Variants in EFEMP2 observed in about 807,000 individuals in gnomAD.
The protein encoded by EFEMP2 is EGF-like fibulin extracellular matrix protein 2.
In EFEMP2, 21 loss-of-function variants were observed where a neutral mutation model predicts 55.3. The ratio of observed to expected loss-of-function variants is 0.38; its 90% CI spans 0.27 to 0.55. The LOEUF (loss-of-function observed/expected upper bound fraction) is 0.55. Ranked by LOEUF, EFEMP2 falls within the 20% of genes least tolerant of loss-of-function variation. EFEMP2 has a pLI of 0.77. For synonymous variants in EFEMP2, 275 were observed against 242.3 expected (o/e 1.14, Z -1.25); for missense variants, 513 against 615.1 (o/e 0.83, Z 1.76).
At chr11:65,870,025 A>G in intron 6 of EFEMP2, 49 bp from the exon 7 acceptor site, 5 of 1,613,344 alleles carry the variant, frequency 3.1e-6, no homozygotes, top group Non-Finnish European at 4.2e-6. Flanking sequence ...GGAGGAGCCC[A>G]GAGCCTCCAC....
At position 65,866,495 on chromosome 11, in the gene EFEMP2, C is replaced by T. The variant is rs1377484298; in HGVS notation, c.*423G>A. On this transcript the variant is annotated 3_prime_UTR_variant, in exon 11 of 11. Transcript: ENST00000307998. The stretch of plus-strand genomic sequence containing the variant: ...AAACAGGCCCAGGGAACTACTAGGG[C>T]TTATCCAAATGTACAGTTTGAGGCA... The T allele has an allele frequency of 7.1e-6, 5 of 702,608 alleles. No homozygotes were observed. Among genetic ancestry groups the T allele is most frequent in the Non-Finnish European group, 1.3e-5 (5 of 384,978 alleles). 43.5% of individuals were successfully genotyped at this position (702,608 alleles called of 1,614,324 possible).
Position 65,868,402 on chromosome 11 carries a change from A to G in EFEMP2, c.867T>C (p.Ser289=). 6.2e-7 allele frequency: 1 copy of G among 1,613,914 alleles called. No homozygotes were observed. ...RLCQDIDECE[S]GAHQCSEAQT... ...GGGCCTCGGAGCACTGGTGCGCACC[A>G]GACTCACACTCATCAATGTCTGTGC... is the stretch of plus-strand genomic sequence containing the variant. The change falls in exon 9 of 11, where the codon TCT becomes TCC. Residue 289 remains serine, a synonymous_variant. Coordinates refer to ENST00000307998, the MANE Select transcript of EFEMP2 (RefSeq NM_016938.5).
At chr11:65,871,923 T>A in intron 3 of EFEMP2, 47 bp downstream of exon 3, 1 of 1,549,426 alleles carries the variant, frequency 6.5e-7, no homozygotes, top group Non-Finnish European at 8.7e-7. Flanking sequence ...CAGCTATCAA[T>A]CCCTTTCCGG....
At chr11:65,872,439 C>T in intron 1 of EFEMP2, 78 bp from the exon 2 acceptor site, 1 of 1,025,718 alleles carries the variant, frequency 9.7e-7, no homozygotes, top group South Asian at 1.4e-5. Flanking sequence ...CGAGCCCAGC[C>T]CCCGCCACTG....
chr11:65,869,826 G>T (rs1859932451), intron 7 of EFEMP2, 31 bp downstream of exon 7: 1 of 1,612,988 alleles, frequency 6.2e-7, no homozygotes, highest in African/African-American at 1.3e-5. Context: ...GGGGTCCACA[G>T]AGGAGTACAC....
At position 65,867,853 on chromosome 11, in the gene EFEMP2, A is replaced by C. The variant is rs1332419329; in HGVS notation, c.1170+8T>G. 6.2e-7 allele frequency: 1 copy of C among 1,613,928 alleles called. No individual in the cohort carries two copies. The highest frequency in any genetic ancestry group is 8.5e-7 in the Non-Finnish European group (1 of 1,179,908). On this transcript the variant is annotated splice_region_variant and intron_variant, in intron 10 of 10. Transcript: ENST00000307998. ...GTGCATGTCAGTTGAGGGTTGCAGA[A>C]ACCTTACCCTAATGTAAAAGTCCCC...
rs1565271657 is a variant in EFEMP2 at position 65,866,649 on chromosome 11, C to T, written c.*269G>A. On this transcript the variant is annotated 3_prime_UTR_variant, in exon 11 of 11. Coordinates refer to ENST00000307998, the MANE Select transcript of EFEMP2 (RefSeq NM_016938.5). ...TCCGCCCTCCTCGTTACCTCCTCTC[C>T]TCTCGGGGTGACTGAAGCTCGTGGT... 8.5e-6 allele frequency: 6 copies of T among 703,664 alleles called. No individual in the cohort carries two copies. The highest frequency in any genetic ancestry group is 1.3e-5 in the Non-Finnish European group (5 of 385,628). The allele number at this position is 703,664 out of a possible 1,614,324, so 43.6% of individuals were successfully genotyped here.
At chr11:65,867,311 T>C in intron 10 of EFEMP2, 1 of 590,740 alleles carries the variant, frequency 1.7e-6, no homozygotes, top group Non-Finnish European at 3.0e-6. Context: ...TCCAGCCTGC[T>C]CTGTCTGACC....
intron 3 of EFEMP2, 132 bp downstream of exon 3, chr11:65,871,838 G>A: frequency 1.7e-6 from 2 of 1,175,430 alleles, no homozygotes; most frequent in Non-Finnish European, 2.5e-6. Flanking sequence ...TGGCCTCTGT[G>A]TAGCAGAGCT....
chr11:65,868,679 T>C, intron 7 of EFEMP2, 50 bp from the exon 8 acceptor site: 1 of 1,611,446 alleles, frequency 6.2e-7, no homozygotes, highest in Non-Finnish European at 8.5e-7. Flanking sequence ...TTCCTCACCA[T>C]TCAGTCCCAC....
At chr11:65,868,178 G>A in intron 9 of EFEMP2, 117 bp downstream of exon 9, 7 of 1,565,452 alleles carry the variant, frequency 4.5e-6, no homozygotes, top group Non-Finnish European at 6.1e-6. Flanking sequence ...TTTTCATGAA[G>A]GACTATGATT....
At chr11:65,871,013 G>A (rs544655307) in intron 4 of EFEMP2, 144 bp downstream of exon 4, 211 of 1,049,946 alleles carry the variant, frequency 2.0e-4, no homozygotes, top group South Asian at 3.0e-4. Context: ...GGCCACCTGC[G>A]GCAGGTCCTA....
Position 65,866,956 on chromosome 11 carries a change from G to A in EFEMP2, c.1294C>T (p.Leu432=). ...SLMSYRASSV[L]RLTVFVGAYT... is the part of the protein sequence containing the mutation. ...GCCCCTACAAAGACGGTGAGCCTCA[G>A]TACAGAGCTGGCCCGGTAGCTCATG... Residue 432 remains leucine, a synonymous_variant, in exon 11 of 11, where the codon CTG becomes TTG. Transcript: ENST00000307998. The A allele has an allele frequency of 6.2e-7, 1 of 1,614,184 alleles. No individual in the cohort carries two copies. Among genetic ancestry groups the A allele is most frequent in the Non-Finnish European group, 8.5e-7 (1 of 1,180,020 alleles).
At chr11:65,870,071 C>T (rs1190746663) in intron 6 of EFEMP2, 50 bp downstream of exon 6, 3 of 1,613,108 alleles carry the variant, frequency 1.9e-6, no homozygotes, top group Non-Finnish European at 2.5e-6. Context: ...GCGCCCCCAC[C>T]TCACACCTCC....
At position 65,872,773 on chromosome 11, in the gene EFEMP2, G is replaced by A; in HGVS notation, c.-98C>T. ...GGCAGACGGACGGGCGGACGGCACAGCTCCCTGGACGCGCGGCCCCAGGAA... is the reference window on the plus strand; with the variant it reads ...GGCAGACGGACGGGCGGACGGCACAACTCCCTGGACGCGCGGCCCCAGGAA... On this transcript the variant is annotated 5_prime_UTR_variant, in exon 1 of 11. Transcript: ENST00000307998. 1 of 277,356 alleles carries A rather than the reference G, an allele frequency of 3.6e-6. No homozygotes were observed. The highest frequency in any genetic ancestry group is 7.5e-6 in the Non-Finnish European group (1 of 132,580). 17.2% of individuals were successfully genotyped at this position (277,356 alleles called of 1,614,324 possible).
At chr11:65,868,126 A>G in intron 9 of EFEMP2, 70 bp from the exon 10 acceptor site, 1 of 1,579,114 alleles carries the variant, frequency 6.3e-7, no homozygotes, top group African/African-American at 1.3e-5. Context: ...TACCCTACAA[A>G]GGGAGGGAAT....
At position 65,866,840 on chromosome 11, in the gene EFEMP2, A is replaced by G. The variant is rs1445266175; in HGVS notation, c.*78T>C. ...CCACCAGGACTTTCTTTCTCCCTTT[A>G]TTGCCTTTCTCATTCTGCCCCTCAC... is the stretch of plus-strand genomic sequence containing the variant. On this transcript the variant is annotated 3_prime_UTR_variant, in exon 11 of 11. Transcript: ENST00000307998. 6.4e-7 allele frequency: 1 copy of G among 1,563,548 alleles called. No individual in the cohort carries two copies. Among genetic ancestry groups the G allele is most frequent in the East Asian group, 2.3e-5 (1 of 43,858 alleles).
chr11:65,869,193 T>C, intron 7 of EFEMP2: 1 of 200,002 alleles, frequency 5.0e-6, no homozygotes, highest in Non-Finnish European at 1.0e-5. Flanking sequence ...CCTGGCCCCA[T>C]CTCATCCTGG....
rs1435425506 is a variant in EFEMP2, at chr11:65,867,851, G to GA, written c.1170+9dup. On this transcript the variant is annotated intron_variant, in intron 10 of 10. Coordinates refer to ENST00000307998, the MANE Select transcript of EFEMP2 (RefSeq NM_016938.5). ...TTGTGCATGTCAGTTGAGGGTTGCA[G>GA]AAACCTTACCCTAATGTAAAAGTCC... The GA allele has an allele frequency of 6.2e-7, 1 of 1,613,796 alleles. No homozygotes were observed. Among genetic ancestry groups the GA allele is most frequent in the Non-Finnish European group, 8.5e-7 (1 of 1,179,898 alleles).
Sources: allele counts gnomAD v4.1 joint callset, GRCh38; gene constraint gnomAD v4.1.1; transcripts MANE v1.5; gene names NCBI Gene and HGNC (gene_info 2026-07-23, HGNC 2026-07-21).